Variants in CIP2A observed in about 807,000 individuals in gnomAD.
CIP2A encodes the protein protein CIP2A.
In CIP2A, 103 loss-of-function variants were observed where a neutral mutation model predicts 110.9. The observed-to-expected ratio is 0.93, with a 90% CI of 0.79 to 1.09. The LOEUF (loss-of-function observed/expected upper bound fraction) is 1.09. CIP2A is among the 50% of genes least tolerant of loss of function. CIP2A has a pLI of 0.00. For missense variants in CIP2A, 1,088 were observed against 1,038.4 expected, an observed-to-expected ratio of 1.05 and a Z score of -0.66; for synonymous variants, 381 against 361.6, an observed-to-expected ratio of 1.05 and a Z score of -0.61.
At chr3:108,575,533 T>C (rs868242281) in intron 8 of CIP2A, among the ~76,000 whole-genome samples, 35 of 148,524 alleles carry the variant, frequency 2.4e-4, no homozygotes, top group Middle Eastern at 3.6e-3. Context: ...TATACACGTA[T>C]ATATACTCAT....
At chr3:108,575,116 C>G (rs1404816386) in intron 8 of CIP2A, 1 of 151,998 alleles carries the variant, frequency 6.6e-6, no homozygotes. Context: ...ATCATACTCC[C>G]TTGTCCAAAA....
chr3:108,564,433 G>A (rs922125902), intron 12 of CIP2A, among the ~76,000 whole-genome samples: 3 of 151,928 alleles, frequency 2.0e-5, no homozygotes, highest in Non-Finnish European at 4.4e-5. Context: ...CTGTTGTAAA[G>A]GTAGGTGTTG....
chr3:108,569,715 AAAAC>A, intron 8 of CIP2A, 108 bp from the exon 9 acceptor site: 4 of 822,440 alleles, frequency 4.9e-6, no homozygotes, highest in Non-Finnish European at 7.7e-6. Context: ...AAAATATTCT[AAAAC>A]AAAACTTAAG....
At chr3:108,565,688 A>G (rs9831189) in intron 11 of CIP2A, among the ~76,000 whole-genome samples, 2,907 of 151,872 alleles carry the variant, frequency 0.019, 103 homozygotes, top group African/African-American at 0.067. Flanking sequence ...TTCTTTTACT[A>G]CCAACCTGCT....
chr3:108,561,645 G>C (rs754348001), intron 13 of CIP2A, among the ~76,000 whole-genome samples: 3 of 152,082 alleles, frequency 2.0e-5, no homozygotes, highest in African/African-American at 7.2e-5. Flanking sequence ...CCCCAGTCTG[G>C]GTGATAGAGT....
chr3:108,561,868 A>C (rs1164156576), intron 13 of CIP2A, among the ~76,000 whole-genome samples: 1 of 152,166 alleles, frequency 6.6e-6, no homozygotes, highest in Non-Finnish European at 1.5e-5. Flanking sequence ...ACACAGTCAA[A>C]ATGGTGGGAA....
In CIP2A at chr3:108,565,316, G is replaced by A. The variant is rs761017438; in HGVS notation, c.1515+39C>T. 9 of 967,194 alleles carry A rather than the reference G, an allele frequency of 9.3e-6. No individual in the cohort carries two copies. The East Asian group carries it at 1.7e-4, about 19-fold the overall frequency. 59.9% of individuals were successfully genotyped at this position (967,194 alleles called of 1,614,324 possible). The stretch of plus-strand genomic sequence containing the variant: ...AGAAACTTATATTAGGACCATTTAT[G>A]TATGAATAAACTTCAATGTTTGAAG... On this transcript the variant is annotated intron_variant, in intron 12 of 20. Transcript: ENST00000295746.
At chr3:108,572,314 C>T (rs557827975) in intron 8 of CIP2A, among the ~76,000 whole-genome samples, 2 of 152,060 alleles carry the variant, frequency 1.3e-5, no homozygotes, top group South Asian at 4.1e-4. Flanking sequence ...TAAAACGTTC[C>T]TTATTTTTAC....
chr3:108,579,747 A>G lies in CIP2A; in HGVS notation c.550-59T>C, dbSNP rs1938799698. 5 of 1,186,836 alleles carry G rather than the reference A, an allele frequency of 4.2e-6. No homozygotes were observed. The South Asian group carries it at 8.6e-5, about 20-fold the overall frequency. 73.5% of individuals were successfully genotyped at this position (1,186,836 alleles called of 1,614,324 possible). A position where few individuals can be genotyped will look rare whatever the true frequency, so the allele number is the denominator to read the frequency against. On this transcript the variant is annotated intron_variant, in intron 5 of 20. Transcript: ENST00000295746. Reference sequence around the variant, plus strand: ...TTATAAATTTTATGTTTTGGTTTAAAAAGTATATCTTGCACAGAGTGGGCA... The same window carrying G: ...TTATAAATTTTATGTTTTGGTTTAAGAAGTATATCTTGCACAGAGTGGGCA...
intron 8 of CIP2A, chr3:108,574,690 G>C (rs565429722): frequency 6.6e-6 from 1 of 152,556 alleles, no homozygotes; most frequent in African/African-American, 2.4e-5. Flanking sequence ...AGAAACCTGA[G>C]AGACAGCCCT....
Position 108,559,854 on chromosome 3 carries a change from C to T in CIP2A, c.1916G>A (p.Arg639Lys). The T allele has an allele frequency of 6.2e-7, 1 of 1,607,048 alleles. No homozygotes were observed. The highest frequency in any genetic ancestry group is 1.1e-5 in the South Asian group (1 of 90,380). Residue 639 changes from arginine to lysine, a missense_variant, in exon 16 of 21, where the codon AGG (arginine) becomes AAG (lysine). Arg to Lys is a conservative substitution (Grantham distance 26). Coordinates refer to ENST00000295746, the MANE Select transcript of CIP2A (RefSeq NM_020890.3). The stretch of plus-strand genomic sequence containing the variant: ...TTTTGTTTCCAAAAGATCTTGTAGC[C>T]TGCTTTCTTTGGACTACAAGAAAAC... ...KLSTLASKES[R>K]LQDLLETKAL...
chr3:108,573,811 A>T (rs1306208150), intron 8 of CIP2A, among the ~76,000 whole-genome samples: 3 of 152,188 alleles, frequency 2.0e-5, no homozygotes, highest in Non-Finnish European at 4.4e-5. Context: ...TCATTGTTGC[A>T]AATGATTAGT....
intron 7 of CIP2A, among the ~76,000 whole-genome samples, chr3:108,577,714 C>A (rs9876638): frequency 0.15 from 22,723 of 152,062 alleles, 2,153 homozygotes; most frequent in Non-Finnish European, 0.22. Context: ...GCCTGGCCAA[C>A]ACGGTGAAAC....
At chr3:108,553,888 T>TAAAAAAAAAAA (rs1937680703) in intron 18 of CIP2A, among the ~76,000 whole-genome samples, 158 bp from the exon 19 acceptor site, 1 of 3,058 alleles carries the variant, frequency 3.3e-4, no homozygotes, top group Non-Finnish European at 6.4e-4. Flanking sequence ...CCGTCTCTAC[T>TAAAAAAAAAAA]AAAAATATAA....
chr3:108,560,502 A>G, intron 14 of CIP2A, 147 bp downstream of exon 14: 1 of 577,784 alleles, frequency 1.7e-6, no homozygotes, highest in South Asian at 3.3e-5. Flanking sequence ...GATTTTTCTT[A>G]TTTCCAAATT....
At position 108,575,896 on chromosome 3, in the gene CIP2A, A is replaced by G. The variant is rs62266399; in HGVS notation, c.894+375T>C. On this transcript the variant is annotated intron_variant, in intron 8 of 20. Coordinates refer to ENST00000295746, the MANE Select transcript of CIP2A (RefSeq NM_020890.3). ...TATACTCATATACATGTGTATGAGT[A>G]TATATACATATATACATATACGTAT... Among the ~76,000 whole-genome samples the G allele has an allele frequency of 8.7e-3, 810 of 92,936 alleles. 173 individuals carry two copies. Among genetic ancestry groups the G allele is most frequent in the East Asian group, 0.037 (58 of 1,562 alleles). The allele number at this position is 92,936 out of a possible 152,430, so 61.0% of individuals were successfully genotyped here. A position where few individuals can be genotyped will look rare whatever the true frequency, so the allele number is the denominator to read the frequency against.
intron 13 of CIP2A, among the ~76,000 whole-genome samples, chr3:108,561,361 G>A (rs1031372741): frequency 5.3e-5 from 8 of 152,084 alleles, no homozygotes; most frequent in African/African-American, 1.9e-4. Context: ...TAACTAAAGT[G>A]CAAACTGCAA....
At chr3:108,578,587 T>C (rs917969977) in intron 7 of CIP2A, among the ~76,000 whole-genome samples, 4 of 152,188 alleles carry the variant, frequency 2.6e-5, no homozygotes, top group African/African-American at 9.6e-5. Context: ...TGATCATAGG[T>C]GGGGTTCAGT....
At position 108,568,183 on chromosome 3, in the gene CIP2A, C is replaced by T; in HGVS notation, c.1245G>A (p.Arg415=). 6.2e-7 allele frequency: 1 copy of T among 1,612,016 alleles called. No individual in the cohort carries two copies. Among genetic ancestry groups the T allele is most frequent in the South Asian group, 1.1e-5 (1 of 90,972 alleles). ...DEALTRKKCE[R]IAKAIEVLLT... Reference sequence around the variant, plus strand: ...ACAAAACTTCAATGGCCTTGGCAATCCTTTCACATTTTTTTCTTGTTAAAG... The same window carrying T: ...ACAAAACTTCAATGGCCTTGGCAATTCTTTCACATTTTTTTCTTGTTAAAG... The change falls in exon 10 of 21, where the codon AGG becomes AGA. Residue 415 remains arginine, a synonymous_variant. Transcript: ENST00000295746.
Sources: gnomAD v4.1 joint callset for allele counts (sites outside exome capture counted in the v4.1 genomes callset) on GRCh38, gnomAD v4.1.1 for gene constraint, MANE v1.5 for transcripts, NCBI Gene and HGNC (gene_info 2026-07-23, HGNC 2026-07-21) for gene names.